The following AEBP2 variants were observed in gnomAD, a reference collection of about 807,000 sequenced individuals.
AEBP2 encodes AE binding protein 2.
In AEBP2, 10 loss-of-function variants were observed where a neutral mutation model predicts 50.8. That is an observed-to-expected ratio of 0.20 (90% confidence interval 0.12 to 0.33). The LOEUF (loss-of-function observed/expected upper bound fraction) is 0.33. Among genes scored for constraint, AEBP2 ranks in the 10% least tolerant of loss-of-function variants. The pLI is 1.00. For synonymous variants in AEBP2, 296 were observed against 261.3 expected (o/e 1.13, Z -1.28); for missense variants, 570 against 688.0 (o/e 0.83, Z 1.92).
intron 4 of AEBP2, among the ~76,000 whole-genome samples, chr12:19,499,112 A>G (rs537900375): frequency 6.6e-6 from 1 of 152,362 alleles, no homozygotes; most frequent in South Asian, 2.1e-4. Context: ...TTATTTAATT[A>G]CAATTGAAAA....
intron 1 of AEBP2, among the ~76,000 whole-genome samples, chr12:19,453,130 G>T (rs961653432): frequency 6.6e-6 from 1 of 151,438 alleles, no homozygotes; most frequent in South Asian, 2.1e-4. Flanking sequence ...CACCAGCCCC[G>T]GATGATTTTT....
Position 19,518,095 on chromosome 12 carries a change from C to T in AEBP2, c.1490C>T (p.Pro497Leu), listed in dbSNP as rs1446877653. ...TTTTTCTCTTTTTCTAGAACAATGCCGCAGAAGAGGTTGAAGAGGTAAAAA... is the reference window on the plus strand; with the variant it reads ...TTTTTCTCTTTTTCTAGAACAATGCTGCAGAAGAGGTTGAAGAGGTAAAAA... ...LLDPNIYRTM[P>L]QKRLKR Residue 497 changes from proline (P) to leucine (L), a missense_variant, in exon 8 of 8, where the codon CCG becomes CTG. Transcript: ENST00000266508. 1 of 1,596,944 alleles carries T rather than the reference C, an allele frequency of 6.3e-7. No homozygotes were observed. The highest frequency in any genetic ancestry group is 8.5e-7 in the Non-Finnish European group (1 of 1,171,086).
At chr12:19,494,101 G>GCATCC in intron 4 of AEBP2, 115 bp downstream of exon 4, 3 of 1,155,912 alleles carry the variant, frequency 2.6e-6, no homozygotes, top group Non-Finnish European at 3.6e-6. Flanking sequence ...TAACAAACAG[G>GCATCC]TAGGATGCCT....
Position 19,521,466 on chromosome 12 carries a change from G to T in AEBP2, c.*3349G>T, listed in dbSNP as rs1949397996. On this transcript the variant is annotated 3_prime_UTR_variant, in exon 8 of 8. Coordinates refer to ENST00000266508, the MANE Select transcript of AEBP2 (RefSeq NM_153207.5). ...ACATCAGATTGTGTTTGAACCGTAAGGCACATCTGCTTTATCTAAAAGAAT... is the reference window on the plus strand; with the variant it reads ...ACATCAGATTGTGTTTGAACCGTAATGCACATCTGCTTTATCTAAAAGAAT... 6.6e-6 allele frequency: 1 copy of T among 151,990 alleles called. No individual in the cohort carries two copies. Among genetic ancestry groups the T allele is most frequent in the South Asian group, 2.1e-4 (1 of 4,816 alleles). 9.4% of individuals were successfully genotyped at this position (151,990 alleles called of 1,614,324 possible). A position where few individuals can be genotyped will look rare whatever the true frequency, so the allele number is the denominator to read the frequency against.
intron 5 of AEBP2, among the ~76,000 whole-genome samples, chr12:19,507,056 GGA>G (rs1949163895): frequency 6.6e-6 from 1 of 152,162 alleles, no homozygotes; most frequent in Non-Finnish European, 1.5e-5. Flanking sequence ...AGAGCTCAGA[GGA>G]GAGAGGTGTG....
At chr12:19,513,413 A>T (rs1811020909) in intron 6 of AEBP2, among the ~76,000 whole-genome samples, 1 of 152,200 alleles carries the variant, frequency 6.6e-6, no homozygotes, top group African/African-American at 2.4e-5. Context: ...AAGCATCAAG[A>T]ATAGAATAAA....
chr12:19,419,379 G>A (rs2095744364), intron 1 of AEBP2, among the ~76,000 whole-genome samples: 1 of 151,828 alleles, frequency 6.6e-6, no homozygotes, highest in African/African-American at 2.4e-5. Context: ...CACGAGGTCA[G>A]GAAATCGAGA....
intron 2 of AEBP2, among the ~76,000 whole-genome samples, chr12:19,470,829 CG>C (rs562041822): frequency 3.3e-5 from 5 of 151,958 alleles, no homozygotes; most frequent in Admixed American, 6.6e-5. Context: ...CAGAGTAGGG[CG>C]GGGGGGTCAC....
At chr12:19,410,267 C>T (rs17344841) in intron 1 of AEBP2, among the ~76,000 whole-genome samples, 5,141 of 152,284 alleles carry the variant, frequency 0.034, 113 homozygotes, top group Non-Finnish European at 0.05. Flanking sequence ...CAAACCAGCA[C>T]GTGCTCCCAC....
intron 1 of AEBP2, among the ~76,000 whole-genome samples, chr12:19,423,859 G>A (rs2095747125): frequency 6.6e-6 from 1 of 152,038 alleles, no homozygotes; most frequent in Non-Finnish European, 1.5e-5. Flanking sequence ...ATAAATAAAT[G>A]AATAAATAAA....
chr12:19,521,903 TAAAAA>T lies in AEBP2; in HGVS notation c.*3789_*3793del, dbSNP rs753844287. On this transcript the variant is annotated 3_prime_UTR_variant, in exon 8 of 8. Transcript: ENST00000266508. Reference sequence around the variant, plus strand: ...GAGGGTTTTCTCTTTAATCACAACTTAAAAAAAGAAACCTTTAATACCTCTGCATA... The same window carrying T: ...GAGGGTTTTCTCTTTAATCACAACTTAAGAAACCTTTAATACCTCTGCATA... The T allele has an allele frequency of 9.9e-5, 15 of 152,028 alleles. No individual in the cohort carries two copies. Among genetic ancestry groups the T allele is most frequent in the African/African-American group, 2.7e-4 (11 of 41,436 alleles). The allele number at this position is 152,028 out of a possible 1,614,324, so 9.4% of individuals were successfully genotyped here.
At chr12:19,479,633 C>G (rs923560259) in intron 3 of AEBP2, among the ~76,000 whole-genome samples, 2 of 149,692 alleles carry the variant, frequency 1.3e-5, no homozygotes, top group African/African-American at 4.9e-5. Flanking sequence ...TTTGGGAGCT[C>G]CAGTTGGGTG....
intron 3 of AEBP2, among the ~76,000 whole-genome samples, chr12:19,477,852 A>T (rs1168872678): frequency 1.3e-5 from 2 of 152,184 alleles, no homozygotes; most frequent in Non-Finnish European, 2.9e-5. Context: ...TTACATTAAG[A>T]TTGGCACCAG....
rs1565702394 is a variant in AEBP2, at chr12:19,439,993, CGAG to C, written c.303_305del (p.Glu101del). On this transcript the variant is annotated inframe_deletion, in exon 1 of 8. Transcript: ENST00000266508. ...CCAGCCAGGCCGGGGAGGACGAAGA[CGAG>C]GAGGAGGACGACGAGGAGGAGGAAG... 1.3e-6 allele frequency: 2 copies of C among 1,520,542 alleles called. No homozygotes were observed. The highest frequency in any genetic ancestry group is 2.0e-5 in the Admixed American group (1 of 49,838). 94.2% of individuals were successfully genotyped at this position (1,520,542 alleles called of 1,614,324 possible). A position where few individuals can be genotyped will look rare whatever the true frequency, so the allele number is the denominator to read the frequency against.
At chr12:19,437,787 T>C (rs1354266794), upstream of AEBP2, among the ~76,000 whole-genome samples, 1 of 152,220 alleles carries the variant, frequency 6.6e-6, no homozygotes, top group Non-Finnish European at 1.5e-5. Context: ...ATGTCCCATG[T>C]TATTATTTTT....
intron 3 of AEBP2, among the ~76,000 whole-genome samples, chr12:19,475,464 GTA>G (rs147770716): frequency 4.6e-5 from 7 of 150,702 alleles, no homozygotes; most frequent in African/African-American, 9.7e-5. Context: ...GTATGTGTGT[GTA>G]TATATATATA....
intron 7 of AEBP2, among the ~76,000 whole-genome samples, chr12:19,515,152 A>AT (rs61172173): frequency 0.17 from 25,063 of 151,776 alleles, 3,632 homozygotes; most frequent in African/African-American, 0.39. Context: ...AAACTGTTTG[A>AT]TTTTTTTTAG....
intron 1 of AEBP2, among the ~76,000 whole-genome samples, chr12:19,415,395 C>T (rs2095741987): frequency 9.1e-6 from 1 of 110,204 alleles, no homozygotes; most frequent in Non-Finnish European, 1.8e-5. Context: ...TTAAAAAGTG[C>T]ACAGTCTAGG....
intron 1 of AEBP2, among the ~76,000 whole-genome samples, chr12:19,455,974 G>C (rs1262234983): frequency 6.6e-6 from 1 of 151,222 alleles, no homozygotes; most frequent in Non-Finnish European, 1.5e-5. Flanking sequence ...AACTTTTTTA[G>C]GGGCTCTCAA....
Sources: gnomAD v4.1 joint callset for allele counts (sites outside exome capture counted in the v4.1 genomes callset) on GRCh38, gnomAD v4.1.1 for gene constraint, MANE v1.5 for transcripts, NCBI Gene and HGNC (gene_info 2026-07-23, HGNC 2026-07-21) for gene names.